ATP6V1C2: variants seen among roughly 807,000 people sequenced by gnomAD.
ATP6V1C2 encodes the protein ATPase H+ transporting V1 subunit C2.
ATP6V1C2 carries 45 observed loss-of-function variants against 56.8 expected under a neutral mutation model. That is an observed-to-expected ratio of 0.79 (90% CI 0.62 to 1.02). ATP6V1C2 has a LOEUF of 1.02. ATP6V1C2 is among the 50% of genes least tolerant of loss of function. The pLI, the probability that ATP6V1C2 is intolerant of heterozygous loss-of-function variation, is 0.00. For synonymous variants in ATP6V1C2, 220 were observed against 201.3 expected, an observed-to-expected ratio of 1.09 and a Z score of -0.79; for missense variants, 463 against 519.7, an observed-to-expected ratio of 0.89 and a Z score of 1.06.
At chr2:10,721,868 C>G (rs1001766868) in intron 1 of ATP6V1C2, 137 bp downstream of exon 1, 6 of 152,410 alleles carry the variant, frequency 3.9e-5, no homozygotes, top group South Asian at 4.1e-4. Context: ...TCCCCGCGGC[C>G]GGGCTGGTAG....
chr2:10,731,839 TG>T (rs1314113407), intron 3 of ATP6V1C2, among the ~76,000 whole-genome samples: 2 of 151,948 alleles, frequency 1.3e-5, no homozygotes, highest in African/African-American at 4.8e-5. Context: ...CCAGGTGTGG[TG>T]GTGCATGCCT....
chr2:10,741,533 C>T (rs1248975592), intron 3 of ATP6V1C2, among the ~76,000 whole-genome samples: 3 of 152,148 alleles, frequency 2.0e-5, no homozygotes, highest in African/African-American at 7.2e-5. Context: ...TGGCCCCTCT[C>T]ATCAAGGTAC....
intron 3 of ATP6V1C2, among the ~76,000 whole-genome samples, chr2:10,732,573 T>C (rs1662016188): frequency 6.6e-6 from 1 of 152,178 alleles, no homozygotes; most frequent in South Asian, 2.1e-4. Flanking sequence ...CTTTAGTTTC[T>C]TTTTTGTCTG....
At position 10,772,689 on chromosome 2, in the gene ATP6V1C2, GC is replaced by G. The variant is rs552136522; in HGVS notation, c.638+83del. On this transcript the variant is annotated intron_variant, in intron 8 of 13. Coordinates refer to ENST00000272238, the MANE Select transcript of ATP6V1C2 (RefSeq NM_001039362.2). The stretch of plus-strand genomic sequence containing the variant: ...TTCAGGGCACCCAACCACCAAACAT[GC>G]CCCGAGGGTGTGAGGCTCCCCAGCT... 1,809 of 1,281,964 alleles carry G rather than the reference GC, an allele frequency of 1.4e-3. 28 individuals carry two copies. In the African/African-American group the frequency reaches 0.024, roughly 17 times the overall value. The allele number at this position is 1,281,964 out of a possible 1,614,324, so 79.4% of individuals were successfully genotyped here.
chr2:10,777,873 C>A, intron 11 of ATP6V1C2, 151 bp downstream of exon 11: 1 of 1,060,298 alleles, frequency 9.4e-7, no homozygotes, highest in Non-Finnish European at 1.3e-6. Flanking sequence ...TGCCTTCCTC[C>A]TAATCTGCAG....
At chr2:10,737,418 C>CA (rs111340144) in intron 3 of ATP6V1C2, among the ~76,000 whole-genome samples, 211 of 116,402 alleles carry the variant, frequency 1.8e-3, no homozygotes, top group Non-Finnish European at 2.1e-3. Flanking sequence ...GACTCTGTCT[C>CA]AAAAAAAAAA....
chr2:10,782,163 T>A (rs890571957), intron 12 of ATP6V1C2, 80 bp from the exon 13 acceptor site: 2 of 1,527,742 alleles, frequency 1.3e-6, no homozygotes, highest in Admixed American at 3.7e-5. Context: ...ACCCTCGGAA[T>A]GTACTGTTTC....
At chr2:10,720,993 G>C (rs1048112433), upstream of ATP6V1C2, 2 of 152,224 alleles carry the variant, frequency 1.3e-5, no homozygotes, top group African/African-American at 4.8e-5. Context: ...TCTGATCGTC[G>C]TACGGTGAGT....
intron 10 of ATP6V1C2, 139 bp from the exon 11 acceptor site, chr2:10,777,441 CTCTAG>C (rs1459181855): frequency 9.7e-6 from 10 of 1,029,872 alleles, no homozygotes; most frequent in African/African-American, 3.2e-5. Flanking sequence ...CCTACCACAT[CTCTAG>C]TCTAGCCAGC....
intron 3 of ATP6V1C2, among the ~76,000 whole-genome samples, chr2:10,734,634 G>A (rs750626012): frequency 8.5e-5 from 13 of 152,082 alleles, no homozygotes; most frequent in Non-Finnish European, 1.5e-4. Context: ...GACAGGGGTG[G>A]CAGAGGAGGG....
chr2:10,744,470 C>T (rs539412616), intron 3 of ATP6V1C2, among the ~76,000 whole-genome samples: 1 of 152,254 alleles, frequency 6.6e-6, no homozygotes, highest in African/African-American at 2.4e-5. Context: ...TGTTGATGCT[C>T]TTCTGTGAAC....
At chr2:10,740,087 CAAAA>C (rs70953339) in intron 3 of ATP6V1C2, among the ~76,000 whole-genome samples, 1 of 103,756 alleles carries the variant, frequency 9.6e-6, no homozygotes, top group East Asian at 2.9e-4. Flanking sequence ...GACTCCATCT[CAAAA>C]AAAAAAAAAA....
intron 3 of ATP6V1C2, among the ~76,000 whole-genome samples, chr2:10,732,834 G>C (rs890463782): frequency 2.0e-5 from 3 of 151,828 alleles, no homozygotes; most frequent in Non-Finnish European, 4.4e-5. Context: ...AGCCGGGCCT[G>C]GTGGCAGGCG....
At chr2:10,775,884 A>G (rs6432143) in intron 10 of ATP6V1C2, among the ~76,000 whole-genome samples, 97,250 of 152,016 alleles carry the variant, frequency 0.64, 31,558 homozygotes, top group African/African-American at 0.74. Context: ...CTCTAGTGAC[A>G]GGGCAGGAGG....
At position 10,775,006 on chromosome 2, in the gene ATP6V1C2, G is replaced by A; in HGVS notation, c.760G>A (p.Glu254Lys). 6.2e-7 allele frequency: 1 copy of A among 1,614,140 alleles called. No homozygotes were observed. The highest frequency in any genetic ancestry group is 8.5e-7 in the Non-Finnish European group (1 of 1,180,022). ...KFTVREFYYD[E>K]KEIEREREEM... ...CACTGTTCGTGAATTTTACTATGAT[G>A]AGAAGGAAATTGAAAGGGAAAGGGA... The change falls in exon 10 of 14, where the codon GAG becomes AAG. Residue 254 changes from glutamate to lysine, a missense_variant. Transcript: ENST00000272238.
intron 4 of ATP6V1C2, among the ~76,000 whole-genome samples, chr2:10,758,583 C>G (rs1489121246): frequency 1.3e-5 from 2 of 152,084 alleles, no homozygotes; most frequent in Non-Finnish European, 2.9e-5. Flanking sequence ...GACAACATAG[C>G]AAGACCTTGT....
chr2:10,746,242 T>C (rs943931163), intron 3 of ATP6V1C2, among the ~76,000 whole-genome samples: 1 of 152,182 alleles, frequency 6.6e-6, no homozygotes, highest in African/African-American at 2.4e-5. Flanking sequence ...TCAAGTGATC[T>C]GCCCACCTTG....
At position 10,782,238 on chromosome 2, in the gene ATP6V1C2, A is replaced by C; in HGVS notation, c.1062-5A>C. ...TGAACTGACACATTTTGTCTATCTGAAAAGGTATGGACTACCAGTGAACTT... is the reference window on the plus strand; with the variant it reads ...TGAACTGACACATTTTGTCTATCTGCAAAGGTATGGACTACCAGTGAACTT... On this transcript the variant is annotated splice_region_variant and splice_polypyrimidine_tract_variant and intron_variant, in intron 12 of 13. Transcript: ENST00000272238. 6.2e-7 allele frequency: 1 copy of C among 1,613,562 alleles called. No individual in the cohort carries two copies. Among genetic ancestry groups the C allele is most frequent in the East Asian group, 2.2e-5 (1 of 44,876 alleles).
In ATP6V1C2 at chr2:10,754,115, T is replaced by A. The variant is rs368085315; in HGVS notation, c.283+49T>A. ...TGGAGCACAATCTCCCCGCTCCCTC[T>A]AGACCAGAGTCGTCCTTGCTGTGGC... On this transcript the variant is annotated intron_variant, in intron 4 of 13. Transcript: ENST00000272238. 2.7e-6 allele frequency: 4 copies of A among 1,492,112 alleles called. No homozygotes were observed. In the African/African-American group the frequency reaches 5.6e-5, roughly 21 times the overall value. 92.4% of individuals were successfully genotyped at this position (1,492,112 alleles called of 1,614,324 possible). A position where few individuals can be genotyped will look rare whatever the true frequency, so the allele number is the denominator to read the frequency against.
Sources: allele counts gnomAD v4.1 joint callset (sites outside exome capture counted in the v4.1 genomes callset), GRCh38; gene constraint gnomAD v4.1.1; transcripts MANE v1.5; gene names NCBI Gene and HGNC (gene_info 2026-07-23, HGNC 2026-07-21).